Variants in PRG4 observed in about 807,000 individuals in gnomAD.
PRG4 encodes the protein articular superficial zone protein.
A neutral mutation model predicts 91.2 loss-of-function variants in PRG4; 61 were observed. The ratio of observed to expected loss-of-function variants is 0.67; its 90% confidence interval spans 0.54 to 0.83. The LOEUF is 0.83. Among genes scored for constraint, PRG4 ranks in the 40% least tolerant of loss-of-function variants. PRG4 has a pLI of 0.00. For missense variants in PRG4, 1,564 were observed against 1,714.2 expected (o/e 0.91, Z 1.55); for synonymous variants, 576 against 614.2 (o/e 0.94, Z 0.92).
rs771884474 is a variant in PRG4 at position 186,307,761 on chromosome 1, C to T, written c.2042C>T (p.Ala681Val). 1.9e-6 allele frequency: 3 copies of T among 1,610,696 alleles called. No homozygotes were observed. Among genetic ancestry groups the T allele is most frequent in the Admixed American group, 1.7e-5 (1 of 59,800 alleles). Residue 681 changes from alanine (A) to valine (V), a missense_variant, in exon 7 of 13, where the codon GCT (alanine) becomes GTT (valine). Physicochemically the swap from Ala to Val is moderately conservative, Grantham distance 64. This residue lies in a region of PRG4 where 1,079 missense variants were observed against 1,162.2 expected (regional missense o/e 0.93). Coordinates refer to ENST00000445192, the MANE Select transcript of PRG4 (RefSeq NM_005807.6). ...AAAPNTPKEPAPTTPKEPAPT... is the reference protein window; with the variant it reads ...AAAPNTPKEPVPTTPKEPAPT... ...GCTCCCAACACCCCTAAGGAGCCTGCTCCAACTACCCCTAAGGAGCCTGCT... is the reference window on the plus strand; with the variant it reads ...GCTCCCAACACCCCTAAGGAGCCTGTTCCAACTACCCCTAAGGAGCCTGCT...
In PRG4 at chr1:186,307,403, C is replaced by T. The variant is rs772701777; in HGVS notation, c.1684C>T (p.Pro562Ser). ...ACCCACCACCACCAAGGAGCCTGCA[C>T]CCACCACTCCCAAGGAGCCTGCACC... The part of the protein sequence containing the change: ...PSPTTTKEPA[P>S]TTPKEPAPTT... Residue 562 changes from proline (P) to serine (S), a missense_variant, in exon 7 of 13, where the codon CCC becomes TCC. Around this residue, in one of 3 missense-constraint regions of PRG4, gnomAD observed 1,079 missense variants for 1,162.2 expected, o/e 0.93. Coordinates refer to ENST00000445192, the MANE Select transcript of PRG4 (RefSeq NM_005807.6). 3.1e-6 allele frequency: 5 copies of T among 1,600,336 alleles called. No individual in the cohort carries two copies. The highest frequency in any genetic ancestry group is 2.3e-5 in the East Asian group (1 of 43,876).
At position 186,307,634 on chromosome 1, in the gene PRG4, A is replaced by G. The variant is rs762746604; in HGVS notation, c.1915A>G (p.Lys639Glu). 23 of 1,268,386 alleles carry G rather than the reference A, an allele frequency of 1.8e-5. No individual in the cohort carries two copies. In the African/African-American group the frequency reaches 2.3e-4, roughly 12 times the overall value. The allele number at this position is 1,268,386 out of a possible 1,614,324, so 78.6% of individuals were successfully genotyped here. A position where few individuals can be genotyped will look rare whatever the true frequency, so the allele number is the denominator to read the frequency against. The part of the protein sequence containing the change: ...PEKLAPTTPE[K>E]PAPTTPEELA... ...GAAGCTCGCACCCACCACCCCTGAG[A>G]AGCCCGCACCCACCACCCCTGAGGA... Residue 639 changes from lysine (K) to glutamate (E), a missense_variant, in exon 7 of 13, where the codon AAG (lysine) becomes GAG (glutamate). Lys to Glu is a moderately conservative substitution (Grantham distance 56). This residue lies in a region of PRG4 where 1,079 missense variants were observed against 1,162.2 expected (regional missense o/e 0.93). Coordinates refer to ENST00000445192, the MANE Select transcript of PRG4 (RefSeq NM_005807.6).
At position 186,301,642 on chromosome 1, in the gene PRG4, T is replaced by G. The variant is rs764445797; in HGVS notation, c.250T>G (p.Cys84Gly). The G allele has an allele frequency of 6.2e-7, 1 of 1,613,460 alleles. No homozygotes were observed. Among genetic ancestry groups the G allele is most frequent in the South Asian group, 1.1e-5 (1 of 91,042 alleles). The part of the protein sequence containing the change: ...CFESFERGRE[C>G]DCDAQCKKYD... ...TGAGTCCTTCGAGAGAGGGAGGGAG[T>G]GTGACTGCGACGCCCAATGTAAGAA... Residue 84 changes from cysteine to glycine, a missense_variant, in exon 4 of 13, where the codon TGT becomes GGT. Cys to Gly is a radical substitution (Grantham distance 159). Coordinates refer to ENST00000445192, the MANE Select transcript of PRG4 (RefSeq NM_005807.6).
rs1657299905 is a variant in PRG4, at chr1:186,312,159, TTCTAATACA to T, written c.3794-14_3794-6del. ...ATTAATTTTCATTTTCCATGTGATA[TTCTAATACA>T]TAACAGGTGGCAGCATTCAGCAGTA... is the stretch of plus-strand genomic sequence containing the variant. On this transcript the variant is annotated splice_polypyrimidine_tract_variant and splice_region_variant and intron_variant, in intron 10 of 12. Coordinates refer to ENST00000445192, the MANE Select transcript of PRG4 (RefSeq NM_005807.6). 1 of 1,610,002 alleles carries T rather than the reference TTCTAATACA, an allele frequency of 6.2e-7. No individual in the cohort carries two copies. The highest frequency in any genetic ancestry group is 8.5e-7 in the Non-Finnish European group (1 of 1,176,378).
intron 6 of PRG4, 138 bp downstream of exon 6, chr1:186,305,060 G>A: frequency 1.9e-6 from 2 of 1,032,760 alleles, no homozygotes; most frequent in Non-Finnish European, 2.8e-6. Flanking sequence ...ATCTTAGAAA[G>A]TACCAAATGA....
intron 2 of PRG4, among the ~76,000 whole-genome samples, chr1:186,299,106 C>T (rs778187991): frequency 1.1e-4 from 17 of 152,128 alleles, no homozygotes; most frequent in Non-Finnish European, 2.1e-4. Context: ...GGATGGATTC[C>T]ATTGTCACAT....
rs1263197979 is a variant in PRG4 at position 186,307,933 on chromosome 1, C to A, written c.2214C>A (p.Thr738=). The stretch of plus-strand genomic sequence containing the variant: ...CCAAGGAGCTTGCACCCACCACCAC[C>A]AAGGAGCCCACATCCACCACCTCTG... ...PAPKELAPTT[T]KEPTSTTSDK... Residue 738 remains threonine, a synonymous_variant, in exon 7 of 13, where the codon ACC becomes ACA. Transcript: ENST00000445192. 31 of 1,607,162 alleles carry A rather than the reference C, an allele frequency of 1.9e-5. No individual in the cohort carries two copies. Among genetic ancestry groups the A allele is most frequent in the Non-Finnish European group, 2.5e-5 (30 of 1,178,302 alleles).
chr1:186,298,815 T>A (rs1656017674), intron 2 of PRG4, among the ~76,000 whole-genome samples: 1 of 152,180 alleles, frequency 6.6e-6, no homozygotes, highest in Non-Finnish European at 1.5e-5. Context: ...AATCTCTTGA[T>A]ACTGTCTTGT....
chr1:186,304,907 CA>C lies in PRG4; in HGVS notation c.584del (p.Gln195ArgfsTer6), dbSNP rs1408539173. ...SKNSAANREL[Q>X]KKLKVKDNKK... ...AAATTCAGCTGCTAATAGAGAATTA[CA>C]GAAGAAACTCAAAGGTTTGAGCATT... On this transcript the variant is annotated frameshift_variant, in exon 6 of 13. Transcript: ENST00000445192. LOFTEE classifies it high-confidence loss of function. The C allele has an allele frequency of 1.9e-6, 3 of 1,612,908 alleles. No homozygotes were observed. The highest frequency in any genetic ancestry group is 2.5e-6 in the Non-Finnish European group (3 of 1,179,346).
chr1:186,300,201 G>T lies in PRG4; in HGVS notation c.187G>T (p.Val63Phe). The T allele has an allele frequency of 1.2e-6, 2 of 1,614,000 alleles. No individual in the cohort carries two copies. Among genetic ancestry groups the T allele is most frequent in the East Asian group, 4.5e-5 (2 of 44,888 alleles). The change falls in exon 3 of 13, where the codon GTC becomes TTC. Residue 63 changes from valine (V) to phenylalanine (F), a missense_variant. Transcript: ENST00000445192. ...GGAGTGCTGCCCTGATTTCAAGAGA[G>T]TCTGCACTGCGGGTAAGTCCTGAGA... The part of the protein sequence containing the change: ...YMECCPDFKR[V>F]CTAELSCKGR...
intron 11 of PRG4, 68 bp from the exon 12 acceptor site, chr1:186,312,701 T>C: frequency 6.6e-7 from 1 of 1,513,078 alleles, no homozygotes. Context: ...AACTCAGATG[T>C]CTGGCTCTTT....
intron 9 of PRG4, 29 bp downstream of exon 9, chr1:186,311,199 T>A (rs1557966265): frequency 6.3e-7 from 1 of 1,589,516 alleles, no homozygotes; most frequent in South Asian, 1.1e-5. Flanking sequence ...TGAGAGAAAT[T>A]TAATAATAAT....
intron 7 of PRG4, among the ~76,000 whole-genome samples, chr1:186,309,531 A>G (rs939172322): frequency 2.0e-5 from 3 of 152,198 alleles, no homozygotes; most frequent in African/African-American, 7.2e-5. Flanking sequence ...ACATCCAAAA[A>G]ATGTCTAGTT....
At chr1:186,296,701 T>G in intron 1 of PRG4, 145 bp from the exon 2 acceptor site, 1 of 615,292 alleles carries the variant, frequency 1.6e-6, no homozygotes, top group Non-Finnish European at 2.9e-6. Context: ...TTCTATAAAA[T>G]TAAAGCTGAT....
chr1:186,310,552 G>A (rs961287712), intron 8 of PRG4, among the ~76,000 whole-genome samples: 6 of 152,054 alleles, frequency 3.9e-5, no homozygotes, highest in Non-Finnish European at 8.8e-5. Context: ...GTGCAATTAC[G>A]GCTCAATGCA....
In PRG4 at chr1:186,313,690, A is replaced by C; in HGVS notation, c.4127A>C (p.Tyr1376Ser). The change falls in exon 13 of 13, where the codon TAT (tyrosine) becomes TCT (serine). Residue 1376 changes from tyrosine to serine, a missense_variant. Tyr to Ser is a moderately radical substitution (Grantham distance 144, BLOSUM62 -2). This residue lies in a region of PRG4 where 1,079 missense variants were observed against 1,162.2 expected (regional missense o/e 0.93). Coordinates refer to ENST00000445192, the MANE Select transcript of PRG4 (RefSeq NM_005807.6). ...TTTCTCTTCCATTTAGATCAATACT[A>C]TAACATTGATGTGCCTAGTAGAACA... is the stretch of plus-strand genomic sequence containing the variant. ...DYYAFSKDQY[Y>S]NIDVPSRTAR... The C allele has an allele frequency of 6.3e-7, 1 of 1,596,012 alleles. No individual in the cohort carries two copies. The highest frequency in any genetic ancestry group is 8.6e-7 in the Non-Finnish European group (1 of 1,163,686).
Position 186,307,742 on chromosome 1 carries a change from A to C in PRG4, c.2023A>C (p.Asn675His). 6.2e-7 allele frequency: 1 copy of C among 1,610,274 alleles called. No individual in the cohort carries two copies. Among genetic ancestry groups the C allele is most frequent in the Non-Finnish European group, 8.5e-7 (1 of 1,179,240 alleles). The change falls in exon 7 of 13, where the codon AAC becomes CAC. Residue 675 changes from asparagine to histidine, a missense_variant. By Grantham distance (68) the Asn-to-His change is moderately conservative. This residue lies in a region of PRG4 where 1,079 missense variants were observed against 1,162.2 expected (regional missense o/e 0.93). Transcript: ENST00000445192. The stretch of plus-strand genomic sequence containing the variant: ...CACCACTCCCAAGGCAGCGGCTCCC[A>C]ACACCCCTAAGGAGCCTGCTCCAAC... ...APTTPKAAAP[N>H]TPKEPAPTTP...
Position 186,311,590 on chromosome 1 carries a change from A to G in PRG4, c.3787A>G (p.Lys1263Glu), listed in dbSNP as rs147581705. The change falls in exon 10 of 13, where the codon AAG becomes GAG. Residue 1263 changes from lysine (K) to glutamate (E), a missense_variant. Lys to Glu is a moderately conservative substitution (Grantham distance 56, BLOSUM62 1). Around this residue, in one of 3 missense-constraint regions of PRG4, gnomAD observed 1,079 missense variants for 1,162.2 expected, o/e 0.93. Transcript: ENST00000445192. ...CTGGCCTGAATCTGTGTATTTTTTC[A>G]AGAGAGGTATGTGTTACATAATTGA... ...KNWPESVYFF[K>E]RGGSIQQYIY... 1.2e-6 allele frequency: 2 copies of G among 1,613,620 alleles called. No homozygotes were observed. Among genetic ancestry groups the G allele is most frequent in the African/African-American group, 2.7e-5 (2 of 74,928 alleles).
chr1:186,311,105 A>G lies in PRG4; in HGVS notation c.3571A>G (p.Ile1191Val). The change falls in exon 9 of 13, where the codon ATT becomes GTT. Residue 1191 changes from isoleucine (I) to valine (V), a missense_variant. Ile to Val is a conservative substitution (Grantham distance 29). Transcript: ENST00000445192. ...PARRITEVWGIPSPIDTVFTR... is the reference protein window; with the variant it reads ...PARRITEVWGVPSPIDTVFTR... Reference sequence around the variant, plus strand: ...TCGCAGAATTACTGAAGTTTGGGGTATTCCTTCCCCCATTGATACTGTTTT... The same window carrying G: ...TCGCAGAATTACTGAAGTTTGGGGTGTTCCTTCCCCCATTGATACTGTTTT... 6.2e-7 allele frequency: 1 copy of G among 1,613,748 alleles called. No homozygotes were observed. Among genetic ancestry groups the G allele is most frequent in the Non-Finnish European group, 8.5e-7 (1 of 1,179,680 alleles).
Sources: allele counts gnomAD v4.1 joint callset (sites outside exome capture counted in the v4.1 genomes callset), GRCh38; gene constraint gnomAD v4.1.1; regional missense constraint gnomAD v4.1.1; transcripts MANE v1.5; gene names NCBI Gene and HGNC (gene_info 2026-07-23, HGNC 2026-07-21).